NCBP2L: variants seen among roughly 807,000 people sequenced by gnomAD.
NCBP2L encodes nuclear cap binding protein subunit 2 like, also known as nuclear cap-binding protein subunit 2-like.
For synonymous variants in NCBP2L, 39 were observed against 19.2 expected, an observed-to-expected ratio of 2.04 and a Z score of -2.70; for missense variants, 95 against 53.1, an observed-to-expected ratio of 1.79 and a Z score of -2.45.
In NCBP2L at chrX:107,794,219, C is replaced by A. The variant is rs1166474780; in HGVS notation, c.-2C>A. 3.8e-6 allele frequency: 2 copies of A among 530,246 alleles called. No homozygotes were observed. Among genetic ancestry groups the A allele is most frequent in the Non-Finnish European group, 6.9e-6 (2 of 290,883 alleles). 43.7% of individuals were successfully genotyped at this position (530,246 alleles called of 1,213,427 possible). A position where few individuals can be genotyped will look rare whatever the true frequency, so the allele number is the denominator to read the frequency against. On this transcript the variant is annotated 5_prime_UTR_variant, in exon 2 of 2. Transcript: ENST00000509000. ...CCATCGGCATGCTGCCCAACCAGCA[C>A]CATGTCCAAAGACCTGAAAATTCTA...
chrX:107,779,653 T>G (rs966228930), intron 1 of NCBP2L, among the ~76,000 whole-genome samples: 1 of 110,712 alleles, frequency 9.0e-6, no homozygotes, highest in Non-Finnish European at 1.9e-5. Flanking sequence ...GTTTGGAACC[T>G]CTGACCTCAG....
At chrX:107,781,672 A>ATC (rs1203106428) in intron 1 of NCBP2L, among the ~76,000 whole-genome samples, 6 of 62,667 alleles carry the variant, frequency 9.6e-5, no homozygotes, top group African/African-American at 7.5e-4. Context: ...CTATCTATCT[A>ATC]TCTATCTCTC....
intron 1 of NCBP2L, among the ~76,000 whole-genome samples, chrX:107,786,022 T>C (rs1569457602): frequency 8.9e-6 from 1 of 111,748 alleles, no homozygotes; most frequent in Non-Finnish European, 1.9e-5. Context: ...TTTTTTAATA[T>C]CCTTCCAGAG....
chrX:107,786,826 A>C (rs2147807471), intron 1 of NCBP2L, among the ~76,000 whole-genome samples: 1 of 111,908 alleles, frequency 8.9e-6, no homozygotes, highest in South Asian at 3.8e-4. Context: ...CTACTGCCCA[A>C]ACCTGTGCTT....
At chrX:107,781,066 G>A (rs933298255) in intron 1 of NCBP2L, among the ~76,000 whole-genome samples, 3 of 108,988 alleles carry the variant, frequency 2.8e-5, no homozygotes, top group Non-Finnish European at 5.7e-5. Context: ...AGCTGGGACT[G>A]CAAGGGTGTG....
At chrX:107,781,651 C>CATCTATCTATCTATCTATCTATCT (rs1168324440) in intron 1 of NCBP2L, among the ~76,000 whole-genome samples, 1 of 65,221 alleles carries the variant, frequency 1.5e-5, no homozygotes, top group Non-Finnish European at 2.6e-5. Flanking sequence ...ATCTATCTAT[C>CATCTATCTATCTATCTATCTATCT]ATCTATCTAT....
At chrX:107,786,241 G>A (rs1411341585) in intron 1 of NCBP2L, among the ~76,000 whole-genome samples, 1 of 111,289 alleles carries the variant, frequency 9.0e-6, no homozygotes, top group Non-Finnish European at 1.9e-5. Flanking sequence ...AGCTCTCAAA[G>A]TTCACTCTCA....
chrX:107,790,735 CA>C (rs1313207549), intron 1 of NCBP2L, among the ~76,000 whole-genome samples: 2 of 111,731 alleles, frequency 1.8e-5, no homozygotes, highest in Admixed American at 1.9e-4. Flanking sequence ...GTGGCTGGGG[CA>C]CAGGAGTGGG....
intron 1 of NCBP2L, among the ~76,000 whole-genome samples, chrX:107,788,826 G>A (rs1254342559): frequency 9.0e-6 from 1 of 111,376 alleles, no homozygotes; most frequent in Non-Finnish European, 1.9e-5. Flanking sequence ...CCTGGAGATG[G>A]TACAGCCACC....
At chrX:107,787,649 C>G (rs1387750205) in intron 1 of NCBP2L, among the ~76,000 whole-genome samples, 1 of 112,354 alleles carries the variant, frequency 8.9e-6, no homozygotes, top group African/African-American at 3.2e-5. Context: ...ATGAATTTCT[C>G]TTGGCACAAA....
chrX:107,781,707 T>TATATATATATATAC (rs1930283985), intron 1 of NCBP2L, among the ~76,000 whole-genome samples: 2 of 91,848 alleles, frequency 2.2e-5, no homozygotes, highest in African/African-American at 8.1e-5. Flanking sequence ...TATATATATA[T>TATATATATATATAC]ATAGATCTAT....
chrX:107,781,684 C>A (rs767338712), intron 1 of NCBP2L, among the ~76,000 whole-genome samples: 4 of 43,444 alleles, frequency 9.2e-5, no homozygotes, highest in African/African-American at 1.8e-4. Flanking sequence ...CTATCTCTCT[C>A]TCTCTCTCTA....
intron 1 of NCBP2L, among the ~76,000 whole-genome samples, chrX:107,781,472 A>ATTTTTTTTTT (rs769639335): frequency 2.7e-5 from 2 of 73,865 alleles, no homozygotes; most frequent in Non-Finnish European, 2.4e-5. Context: ...CGCCCGGCTA[A>ATTTTTTTTTT]TTTTTTTTTT....
chrX:107,779,125 A>G lies in NCBP2L; in HGVS notation c.-73+1267A>G, dbSNP rs1434193501. Among the ~76,000 whole-genome samples the G allele has an allele frequency of 5.4e-5, 6 of 112,104 alleles. No homozygotes were observed. In the East Asian group the frequency reaches 1.7e-3, roughly 31 times the overall value. On this transcript the variant is annotated intron_variant, in intron 1 of 1. Transcript: ENST00000509000. ...GTTACTGGAGAATAAAATGTGAGAC[A>G]TGGAAGCTGGTATAGTTATAGAAGT... is the stretch of plus-strand genomic sequence containing the variant.
intron 1 of NCBP2L, among the ~76,000 whole-genome samples, chrX:107,782,191 AT>A (rs1930304245): frequency 4.5e-5 from 1 of 22,163 alleles, no homozygotes; most frequent in Non-Finnish European, 6.6e-5. Context: ...AAATATATAT[AT>A]ATAAATATAT....
intron 1 of NCBP2L, among the ~76,000 whole-genome samples, chrX:107,781,362 G>A (rs1394385799): frequency 1.8e-5 from 2 of 109,143 alleles, no homozygotes; most frequent in East Asian, 5.7e-4. Context: ...TGGGACTACA[G>A]GCGTGCAATC....
At chrX:107,788,345 G>C (rs145459406) in intron 1 of NCBP2L, among the ~76,000 whole-genome samples, 1,843 of 112,082 alleles carry the variant, frequency 0.016, 44 homozygotes, top group African/African-American at 0.056. Context: ...TAAAAACTCT[G>C]CTAAAAAAGA....
At chrX:107,783,240 T>C (rs1393824272) in intron 1 of NCBP2L, among the ~76,000 whole-genome samples, 3 of 108,458 alleles carry the variant, frequency 2.8e-5, no homozygotes, top group Non-Finnish European at 5.7e-5. Context: ...TCTAGCACTT[T>C]GGGAGGCCGA....
At chrX:107,778,550 G>A (rs939722870) in intron 1 of NCBP2L, among the ~76,000 whole-genome samples, 4 of 112,872 alleles carry the variant, frequency 3.5e-5, no homozygotes, top group Admixed American at 9.4e-5. Context: ...CACCTCCTCA[G>A]GAGAAGGCTG....
Sources: gnomAD v4.1 joint callset for allele counts (sites outside exome capture counted in the v4.1 genomes callset) on GRCh38, gnomAD v4.1.1 for gene constraint, MANE v1.5 for transcripts, NCBI Gene and HGNC (gene_info 2026-07-23, HGNC 2026-07-21) for gene names.